The following DLGAP2 variants were observed in gnomAD, a reference collection of about 807,000 sequenced individuals.
The protein encoded by DLGAP2 is DLG associated protein 2.
Under a neutral mutation model 100.3 loss-of-function variants are expected in DLGAP2, and 26 were observed. That is an observed-to-expected ratio of 0.26 (90% CI 0.19 to 0.36). The LOEUF (loss-of-function observed/expected upper bound fraction) is 0.36. DLGAP2 is among the 10% of genes least tolerant of loss of function. The probability of loss-of-function intolerance (pLI) is 1.00; values close to 1 mark genes in which losing one functional copy is unlikely to be tolerated. For missense variants in DLGAP2, 1,858 were observed against 1,453.2 expected, an observed-to-expected ratio of 1.28 and a Z score of -4.53; for synonymous variants, 886 against 630.1, an observed-to-expected ratio of 1.41 and a Z score of -6.08.
chr8:1,004,101 A>G (rs943272100), intron 2 of DLGAP2, among the ~76,000 whole-genome samples: 1 of 152,144 alleles, frequency 6.6e-6, no homozygotes, highest in East Asian at 1.9e-4. Context: ...TTTGGCTTTT[A>G]TAGTATTAAA....
At chr8:1,534,793 TGTAA>T (rs554728806) in intron 4 of DLGAP2, among the ~76,000 whole-genome samples, 47 of 151,664 alleles carry the variant, frequency 3.1e-4, no homozygotes, top group East Asian at 1.4e-3. Context: ...CGTGTGTGAG[TGTAA>T]GTGTGTGTGC....
chr8:996,186 G>A (rs1039445262), intron 2 of DLGAP2, among the ~76,000 whole-genome samples: 1 of 152,180 alleles, frequency 6.6e-6, no homozygotes, highest in African/African-American at 2.4e-5. Flanking sequence ...CAGAAGGCAG[G>A]AACTCTCTGG....
chr8:1,077,819 G>A (rs1160009725), intron 2 of DLGAP2, among the ~76,000 whole-genome samples: 1 of 152,202 alleles, frequency 6.6e-6, no homozygotes, highest in Non-Finnish European at 1.5e-5. Context: ...CTAGCTTCCT[G>A]TGTCCTTTTT....
At chr8:1,270,103 A>C (rs185730064) in intron 3 of DLGAP2, among the ~76,000 whole-genome samples, 2 of 152,178 alleles carry the variant, frequency 1.3e-5, no homozygotes, top group Admixed American at 1.3e-4. Context: ...CATGATGCAA[A>C]ACTTTCTCCT....
intron 2 of DLGAP2, among the ~76,000 whole-genome samples, chr8:1,156,125 A>C (rs1282056270): frequency 6.6e-6 from 1 of 152,140 alleles, no homozygotes; most frequent in Non-Finnish European, 1.5e-5. Context: ...CCGCAGGTGC[A>C]GGGGCTTCCC....
chr8:1,155,017 T>G (rs1363653763), intron 2 of DLGAP2, among the ~76,000 whole-genome samples: 1 of 152,144 alleles, frequency 6.6e-6, no homozygotes, highest in African/African-American at 2.4e-5. Context: ...CCATCCTGCT[T>G]CTGTTCCCAC....
chr8:1,677,644 T>C (rs1333958740), intron 11 of DLGAP2, among the ~76,000 whole-genome samples: 1 of 152,192 alleles, frequency 6.6e-6, no homozygotes, highest in Non-Finnish European at 1.5e-5. Flanking sequence ...ACTATTTTGG[T>C]GATCAGCTAT....
intron 1 of DLGAP2, among the ~76,000 whole-genome samples, chr8:745,042 A>G (rs142740648): frequency 1.9e-4 from 29 of 152,350 alleles, no homozygotes; most frequent in East Asian, 9.7e-4. Context: ...AAACAGTTGC[A>G]TGAACTCGTA....
At chr8:1,496,376 C>A (rs1396453099) in intron 3 of DLGAP2, among the ~76,000 whole-genome samples, 1 of 152,086 alleles carries the variant, frequency 6.6e-6, no homozygotes, top group Non-Finnish European at 1.5e-5. Context: ...TCTGAGTATG[C>A]GCTCTGCCTC....
rs527849180 is a variant in DLGAP2 at position 1,536,816 on chromosome 8, C to G, written c.173-11810C>G. Reference sequence around the variant, plus strand: ...TTTTTATTTCCATTCAAATATTTCACTTTGACACCATTGAACTAATTCCTC... The same window carrying G: ...TTTTTATTTCCATTCAAATATTTCAGTTTGACACCATTGAACTAATTCCTC... On this transcript the variant is annotated intron_variant, in intron 4 of 14. Coordinates refer to ENST00000637795, the MANE Select transcript of DLGAP2 (RefSeq NM_001346810.2). Among the ~76,000 whole-genome samples, 4 of 152,302 alleles carry G rather than the reference C, an allele frequency of 2.6e-5. No individual in the cohort carries two copies. The East Asian group carries it at 5.8e-4, about 22-fold the overall frequency.
At chr8:867,275 A>T (rs1797516210) in intron 1 of DLGAP2, among the ~76,000 whole-genome samples, 1 of 152,222 alleles carries the variant, frequency 6.6e-6, no homozygotes, top group South Asian at 2.1e-4. Flanking sequence ...TTGCAGCTTT[A>T]TGTTGGAATA....
intron 1 of DLGAP2, among the ~76,000 whole-genome samples, chr8:755,097 G>C (rs1293471882): frequency 6.6e-6 from 1 of 152,112 alleles, no homozygotes. Context: ...ATAACCCCCA[G>C]TGTGTCCCTC....
At position 1,549,583 on chromosome 8, in the gene DLGAP2, G is replaced by C. The variant is rs1801689690; in HGVS notation, c.1130G>C (p.Ser377Thr). ...KRSSWSTLTV[S>T]QAKEAYRKSS... ...AGCTCCTGGTCTACGCTGACGGTCA[G>C]CCAGGCCAAGGAGGCCTACCGCAAG... is the stretch of plus-strand genomic sequence containing the variant. The change falls in exon 5 of 15, where the codon AGC (serine) becomes ACC (threonine). Residue 377 changes from serine to threonine, a missense_variant. Physicochemically the swap from Ser to Thr is moderately conservative, Grantham distance 58. Transcript: ENST00000637795. 6.2e-7 allele frequency: 1 copy of C among 1,611,154 alleles called. No individual in the cohort carries two copies. Among genetic ancestry groups the C allele is most frequent in the Non-Finnish European group, 8.5e-7 (1 of 1,179,330 alleles).
rs964600166 is a variant in DLGAP2 at position 1,233,291 on chromosome 8, T to C, written c.74-25560T>C. ...GCATCCTGGATGCATTCCCCTACCT[T>C]TCACTGAATATTTGCCACGTGATAT... On this transcript the variant is annotated intron_variant, in intron 2 of 14. Transcript: ENST00000637795. 3.3e-5 allele frequency among the ~76,000 whole-genome samples: 5 copies of C among 152,228 alleles called. 1 individual carries two copies. In the South Asian group the frequency reaches 8.3e-4, roughly 25 times the overall value.
chr8:1,163,179 C>G (rs1563223247), intron 2 of DLGAP2, among the ~76,000 whole-genome samples: 3 of 152,210 alleles, frequency 2.0e-5, no homozygotes, highest in Non-Finnish European at 4.4e-5. Context: ...AGCGCCAGTA[C>G]CGGAGGCCAC....
intron 2 of DLGAP2, among the ~76,000 whole-genome samples, chr8:996,498 T>A (rs985070899): frequency 5.3e-5 from 8 of 152,180 alleles, no homozygotes; most frequent in Admixed American, 3.3e-4. Flanking sequence ...GGCCGGAGGC[T>A]CAGGTTTGTG....
intron 2 of DLGAP2, among the ~76,000 whole-genome samples, chr8:915,972 C>T (rs188604813): frequency 4.3e-4 from 59 of 136,802 alleles, no homozygotes; most frequent in Middle Eastern, 4.7e-3. Context: ...TTCACCCGTC[C>T]GTCCATCTGT....
At chr8:1,012,218 C>T (rs1247967703) in intron 2 of DLGAP2, among the ~76,000 whole-genome samples, 4 of 152,210 alleles carry the variant, frequency 2.6e-5, no homozygotes, top group Admixed American at 1.3e-4. Context: ...ACATGTCTGA[C>T]ACCCCTGCTG....
intron 1 of DLGAP2, among the ~76,000 whole-genome samples, chr8:869,688 C>G (rs10110537): frequency 0.27 from 40,547 of 152,082 alleles, 5,960 homozygotes; most frequent in Non-Finnish European, 0.33. Flanking sequence ...ATGTTTTGAA[C>G]CGTAGTTGGA....
Sources: allele counts gnomAD v4.1 joint callset (sites outside exome capture counted in the v4.1 genomes callset), GRCh38; gene constraint gnomAD v4.1.1; transcripts MANE v1.5; gene names NCBI Gene and HGNC (gene_info 2026-07-23, HGNC 2026-07-21).